Variants in CDYL2 observed in about 807,000 individuals in gnomAD.
CDYL2 encodes the protein chromodomain Y-like protein 2.
Under a neutral mutation model 49.4 loss-of-function variants are expected in CDYL2, and 23 were observed. That is an observed-to-expected ratio of 0.47 (90% CI 0.34 to 0.66). The LOEUF (loss-of-function observed/expected upper bound fraction) is 0.66. Among genes scored for constraint, CDYL2 ranks in the 30% least tolerant of loss-of-function variants. The probability of loss-of-function intolerance (pLI) is 0.01; values close to 1 mark genes in which losing one functional copy is unlikely to be tolerated. For missense variants in CDYL2, 678 were observed against 656.4 expected, an observed-to-expected ratio of 1.03 and a Z score of -0.36; for synonymous variants, 360 against 268.8, an observed-to-expected ratio of 1.34 and a Z score of -3.32.
Position 80,719,760 on chromosome 16 carries a change from C to G in CDYL2, c.25-34631G>C, listed in dbSNP as rs892407798. 3.3e-5 allele frequency among the ~76,000 whole-genome samples: 5 copies of G among 152,332 alleles called. No homozygotes were observed. In the East Asian group the frequency reaches 9.7e-4, roughly 29 times the overall value. On this transcript the variant is annotated intron_variant, in intron 1 of 6. Transcript: ENST00000570137. ...GAGGCTGTCGCCACCAAGCTTCACA[C>G]TATGTAGTCATGAAGACAGGAAGTG...
rs182208113 is a variant in CDYL2 at position 80,646,106 on chromosome 16, C to T, written c.617-12870G>A. Among the ~76,000 whole-genome samples, 956 of 151,330 alleles carry T rather than the reference C, an allele frequency of 6.3e-3. 21 individuals carry two copies. Among genetic ancestry groups the T allele is most frequent in the East Asian group, 0.038 (196 of 5,136 alleles). On this transcript the variant is annotated intron_variant, in intron 2 of 6. Coordinates refer to ENST00000570137, the MANE Select transcript of CDYL2 (RefSeq NM_152342.4). ...TGTATACATATGTAACAAACCTGCA[C>T]GTTGTGTACATGTACCCTAGAACTT...
intron 1 of CDYL2, among the ~76,000 whole-genome samples, chr16:80,757,226 TAGC>T (rs1174727405): frequency 6.6e-6 from 1 of 152,100 alleles, no homozygotes; most frequent in Non-Finnish European, 1.5e-5. Context: ...GTCACAAACA[TAGC>T]AGGCTATAAA....
At chr16:80,778,589 G>A (rs946368071) in intron 1 of CDYL2, among the ~76,000 whole-genome samples, 3 of 151,896 alleles carry the variant, frequency 2.0e-5, no homozygotes, top group Non-Finnish European at 4.4e-5. Context: ...AAGTCTTTTG[G>A]GGAGAAATAT....
At chr16:80,686,609 T>C (rs117808131) in intron 1 of CDYL2, among the ~76,000 whole-genome samples, 2,771 of 152,308 alleles carry the variant, frequency 0.018, 29 homozygotes, top group Admixed American at 0.027. Context: ...TTTATATGGA[T>C]GTTTATGTTT....
chr16:80,700,106 G>A lies in CDYL2; in HGVS notation c.25-14977C>T, dbSNP rs540706709. Reference sequence around the variant, plus strand: ...GATCTCCTGACCTCATGATCCGCCCGCCTCGGCCTCCCAAAGTGCTGGGAT... The same window carrying A: ...GATCTCCTGACCTCATGATCCGCCCACCTCGGCCTCCCAAAGTGCTGGGAT... On this transcript the variant is annotated intron_variant, in intron 1 of 6. Transcript: ENST00000570137. 1.1e-4 allele frequency among the ~76,000 whole-genome samples: 17 copies of A among 152,220 alleles called. No homozygotes were observed. The East Asian group carries it at 1.7e-3, about 16-fold the overall frequency.
At chr16:80,616,366 G>A (rs537897510) in intron 4 of CDYL2, among the ~76,000 whole-genome samples, 12 of 152,196 alleles carry the variant, frequency 7.9e-5, no homozygotes, top group Non-Finnish European at 1.8e-4. Context: ...ATTATGGGTA[G>A]TGCATCTGCT....
At chr16:80,626,512 G>C (rs747452216) in intron 3 of CDYL2, among the ~76,000 whole-genome samples, 2 of 152,160 alleles carry the variant, frequency 1.3e-5, no homozygotes, top group African/African-American at 4.8e-5. Context: ...CCTTTGCTAT[G>C]TGTATATAAT....
At chr16:80,771,983 A>T (rs2142395441) in intron 1 of CDYL2, among the ~76,000 whole-genome samples, 1 of 152,288 alleles carries the variant, frequency 6.6e-6, no homozygotes, top group South Asian at 2.1e-4. Flanking sequence ...AATAAGGAGA[A>T]AGAGGAAATG....
chr16:80,667,349 A>G (rs1305758942), intron 2 of CDYL2, among the ~76,000 whole-genome samples: 1 of 152,174 alleles, frequency 6.6e-6, no homozygotes, highest in Non-Finnish European at 1.5e-5. Context: ...ATGTGTCAAC[A>G]GGCACCCAGA....
At chr16:80,637,349 A>C (rs567751451) in intron 2 of CDYL2, among the ~76,000 whole-genome samples, 2 of 152,308 alleles carry the variant, frequency 1.3e-5, no homozygotes, top group South Asian at 4.1e-4. Flanking sequence ...ATCTGAAATA[A>C]GAAAAAGATG....
Position 80,601,527 on chromosome 16 carries a change from G to A in CDYL2, c.*2861C>T, listed in dbSNP as rs1431900402. On this transcript the variant is annotated 3_prime_UTR_variant, in exon 7 of 7. Transcript: ENST00000570137. ...AGAAAGGATCCCATAGACAGAGAGGGGGCCCTGGGGTGGAAGATCAAAAAT... is the reference window on the plus strand; with the variant it reads ...AGAAAGGATCCCATAGACAGAGAGGAGGCCCTGGGGTGGAAGATCAAAAAT... The A allele has an allele frequency of 6.6e-6, 1 of 152,140 alleles. No individual in the cohort carries two copies. Among genetic ancestry groups the A allele is most frequent in the Non-Finnish European group, 1.5e-5 (1 of 68,062 alleles). The allele number at this position is 152,140 out of a possible 1,614,324, so 9.4% of individuals were successfully genotyped here.
chr16:80,720,303 C>A (rs1904955261), intron 1 of CDYL2, among the ~76,000 whole-genome samples: 1 of 152,172 alleles, frequency 6.6e-6, no homozygotes, highest in Non-Finnish European at 1.5e-5. Context: ...AATGCCAGAA[C>A]ATCAAGGAAG....
In CDYL2 at chr16:80,785,969, G is replaced by A. The variant is rs536148923; in HGVS notation, c.24+18181C>T. On this transcript the variant is annotated intron_variant, in intron 1 of 6. Coordinates refer to ENST00000570137, the MANE Select transcript of CDYL2 (RefSeq NM_152342.4). Reference sequence around the variant, plus strand: ...CCTTATACAAAAATCAACTCAAGATGGATCAAAGACTTAAATGTAAGACCT... The same window carrying A: ...CCTTATACAAAAATCAACTCAAGATAGATCAAAGACTTAAATGTAAGACCT... 1.6e-4 allele frequency among the ~76,000 whole-genome samples: 25 copies of A among 152,252 alleles called. No homozygotes were observed. In the East Asian group the frequency reaches 4.4e-3, roughly 27 times the overall value.
chr16:80,660,934 G>A (rs761251661), intron 2 of CDYL2, among the ~76,000 whole-genome samples: 14 of 152,148 alleles, frequency 9.2e-5, no homozygotes, highest in Admixed American at 3.9e-4. Context: ...AAAGATACAG[G>A]GGCAGCTGCC....
chr16:80,762,407 T>C (rs957425110), intron 1 of CDYL2, among the ~76,000 whole-genome samples: 2 of 152,116 alleles, frequency 1.3e-5, no homozygotes, highest in Admixed American at 6.5e-5. Flanking sequence ...GAGCAGAATA[T>C]GACTACAGTC....
At chr16:80,725,072 G>A (rs549405657) in intron 1 of CDYL2, among the ~76,000 whole-genome samples, 29 of 152,106 alleles carry the variant, frequency 1.9e-4, no homozygotes, top group African/African-American at 6.7e-4. Flanking sequence ...ACCTTCTATC[G>A]GTTCCAAGGA....
At chr16:80,741,810 T>C (rs1905745594) in intron 1 of CDYL2, among the ~76,000 whole-genome samples, 1 of 152,220 alleles carries the variant, frequency 6.6e-6, no homozygotes, top group Non-Finnish European at 1.5e-5. Flanking sequence ...AAAATGGGCA[T>C]TCTCATACGG....
At chr16:80,631,779 C>A (rs945644256) in intron 3 of CDYL2, among the ~76,000 whole-genome samples, 3 of 152,108 alleles carry the variant, frequency 2.0e-5, no homozygotes, top group Non-Finnish European at 4.4e-5. Flanking sequence ...CCAATGCACT[C>A]ATGAAAAGAT....
intron 1 of CDYL2, among the ~76,000 whole-genome samples, chr16:80,779,218 A>T (rs1328663511): frequency 6.6e-6 from 1 of 152,082 alleles, no homozygotes; most frequent in Non-Finnish European, 1.5e-5. Context: ...CAATAGGCAA[A>T]ATGAAGAGCT....
Sources: gnomAD v4.1 joint callset for allele counts (sites outside exome capture counted in the v4.1 genomes callset) on GRCh38, gnomAD v4.1.1 for gene constraint, MANE v1.5 for transcripts, NCBI Gene and HGNC (gene_info 2026-07-23, HGNC 2026-07-21) for gene names.